Variants in SLC66A2 observed in about 807,000 individuals in gnomAD.
SLC66A2 encodes solute carrier family 66 member 2.
A neutral mutation model predicts 25.5 loss-of-function variants in SLC66A2; 23 were observed. That is an observed-to-expected ratio of 0.90 (90% CI 0.65 to 1.28). The LOEUF (loss-of-function observed/expected upper bound fraction) is 1.28. Among genes scored for constraint, SLC66A2 ranks in the 50% most tolerant of loss-of-function variants. SLC66A2 has a pLI of 0.00. For synonymous variants in SLC66A2, 193 were observed against 166.5 expected (o/e 1.16, Z -1.23); for missense variants, 396 against 373.1 (o/e 1.06, Z -0.51).
intron 2 of SLC66A2, among the ~76,000 whole-genome samples, chr18:79,948,464 G>C (rs12606764): frequency 0.93 from 141,523 of 152,228 alleles, 66,669 homozygotes; most frequent in East Asian, 1. Flanking sequence ...TCACAGCCTC[G>C]CAAGTAGCTA....
chr18:79,919,177 G>C lies in SLC66A2; in HGVS notation c.608+7C>G. ...GTGGTGCTTCCGTGGCGGCATCCCC[G>C]GCCTACCTCATGCCCTCCGTGGACT... On this transcript the variant is annotated splice_region_variant and intron_variant, in intron 5 of 5. Transcript: ENST00000397778. 1 of 1,611,768 alleles carries C rather than the reference G, an allele frequency of 6.2e-7. No homozygotes were observed. The highest frequency in any genetic ancestry group is 1.1e-5 in the South Asian group (1 of 91,056).
chr18:79,947,749 G>C (rs935382098), intron 2 of SLC66A2, among the ~76,000 whole-genome samples: 1 of 151,650 alleles, frequency 6.6e-6, no homozygotes, highest in Non-Finnish European at 1.5e-5. Context: ...TTCTGCTAAA[G>C]CACAAATCCT....
intron 4 of SLC66A2, among the ~76,000 whole-genome samples, chr18:79,923,103 C>T (rs1414304020): frequency 4.0e-5 from 6 of 151,512 alleles, no homozygotes; most frequent in South Asian, 2.1e-4. Context: ...GGGCATGGTA[C>T]GCGGCACCTC....
At chr18:79,925,756 A>G (rs2144827302) in intron 4 of SLC66A2, among the ~76,000 whole-genome samples, 1 of 152,334 alleles carries the variant, frequency 6.6e-6, no homozygotes, top group East Asian at 1.9e-4. Context: ...TCGTGTTTTC[A>G]TGTCTACAGG....
At chr18:79,938,462 G>A (rs1987331925) in intron 3 of SLC66A2, among the ~76,000 whole-genome samples, 1 of 152,184 alleles carries the variant, frequency 6.6e-6, no homozygotes, top group South Asian at 2.1e-4. Flanking sequence ...TCTCCCTCCA[G>A]TGAGGGGCTC....
intron 1 of SLC66A2, 44 bp from the exon 2 acceptor site, chr18:79,951,069 G>T: frequency 1.9e-6 from 1 of 535,042 alleles, no homozygotes; most frequent in Non-Finnish European, 2.8e-6. Context: ...CAGGGAGGCT[G>T]GGGCGGCGCG....
intron 4 of SLC66A2, among the ~76,000 whole-genome samples, chr18:79,932,873 T>C (rs1599610995): frequency 6.6e-6 from 1 of 152,116 alleles, no homozygotes; most frequent in South Asian, 2.1e-4. Flanking sequence ...TCTAAAAATA[T>C]TTAAAGAGAA....
At chr18:79,924,297 T>C (rs995100104) in intron 4 of SLC66A2, among the ~76,000 whole-genome samples, 7 of 152,128 alleles carry the variant, frequency 4.6e-5, no homozygotes, top group African/African-American at 1.7e-4. Flanking sequence ...CGGATGGACC[T>C]TGAAACAGGA....
chr18:79,943,158 G>T (rs114790715), intron 3 of SLC66A2, among the ~76,000 whole-genome samples, 171 bp downstream of exon 3: 2 of 152,202 alleles, frequency 1.3e-5, no homozygotes, highest in Non-Finnish European at 1.5e-5. Flanking sequence ...GTCATAAACC[G>T]TTTAACTGAA....
Position 79,904,644 on chromosome 18 carries a change from C to T in SLC66A2, c.609-461G>A, listed in dbSNP as rs1384186241. The stretch of plus-strand genomic sequence containing the variant: ...GGGTGCTGAGGACGCAGATCTGTGC[C>T]CCCAGGCACACAGCCAAGTGGAGCA... On this transcript the variant is annotated intron_variant, in intron 5 of 5. Coordinates refer to ENST00000397778, the MANE Select transcript of SLC66A2 (RefSeq NM_025078.5). The surrounding 1 kb of genome is among the most constrained non-coding windows in gnomAD (Gnocchi z 6.3). Among the ~76,000 whole-genome samples, 2 of 152,244 alleles carry T rather than the reference C, an allele frequency of 1.3e-5. No homozygotes were observed. The highest frequency in any genetic ancestry group is 2.9e-5 in the Non-Finnish European group (2 of 67,994).
In SLC66A2 at chr18:79,903,730, T is replaced by C. The variant is rs2123161090; in HGVS notation, c.*246A>G. ...GGGAAAACACTTGCTTTTTATGTCA[T>C]CCTAAAAACATCCAAAACCCTCGGG... On this transcript the variant is annotated 3_prime_UTR_variant, in exon 6 of 6. Transcript: ENST00000397778. 1 of 517,304 alleles carries C rather than the reference T, an allele frequency of 1.9e-6. No homozygotes were observed. 32.0% of individuals were successfully genotyped at this position (517,304 alleles called of 1,614,324 possible). A position where few individuals can be genotyped will look rare whatever the true frequency, so the allele number is the denominator to read the frequency against.
At chr18:79,931,575 G>A (rs572988874) in intron 4 of SLC66A2, among the ~76,000 whole-genome samples, 2 of 152,300 alleles carry the variant, frequency 1.3e-5, no homozygotes, top group African/African-American at 2.4e-5. Flanking sequence ...AGTAATGGAC[G>A]TAACAACTAC....
rs1158734501 is a variant in SLC66A2, at chr18:79,903,988, G to A, written c.804C>T (p.Thr268=). ...PAPHAVHPTG[T]KAL ...GTCCTCCCCACTGTCAGAGGGCCTT[G>A]GTGCCAGTGGGGTGCACGGCGTGGG... Residue 268 remains threonine (T), a synonymous_variant, in exon 6 of 6, where the codon ACC becomes ACT. Transcript: ENST00000397778. 6.2e-7 allele frequency: 1 copy of A among 1,601,242 alleles called. No homozygotes were observed. Among genetic ancestry groups the A allele is most frequent in the East Asian group, 2.2e-5 (1 of 44,486 alleles).
intron 2 of SLC66A2, among the ~76,000 whole-genome samples, chr18:79,947,612 C>A (rs1282175452): frequency 6.6e-6 from 1 of 151,008 alleles, no homozygotes; most frequent in Non-Finnish European, 1.5e-5. Flanking sequence ...CCACCCCAGC[C>A]CCTTCTCACC....
intron 3 of SLC66A2, among the ~76,000 whole-genome samples, chr18:79,936,520 C>T (rs2144899862): frequency 6.6e-6 from 1 of 152,308 alleles, no homozygotes; most frequent in East Asian, 1.9e-4. Context: ...CCTTGACTAA[C>T]CAGCAGCCAC....
At chr18:79,945,821 C>G (rs2050906412) in intron 2 of SLC66A2, among the ~76,000 whole-genome samples, 1 of 152,238 alleles carries the variant, frequency 6.6e-6, no homozygotes, top group Non-Finnish European at 1.5e-5. Context: ...TACAGCCAAG[C>G]TCACAGTCAC....
At chr18:79,943,976 A>T (rs1568337646) in intron 2 of SLC66A2, 2 of 171,592 alleles carry the variant, frequency 1.2e-5, no homozygotes, top group Non-Finnish European at 2.5e-5. Context: ...GAAGGAGCCC[A>T]GGAGTTGGCA....
At chr18:79,915,986 G>GGCGCTCCCA (rs1199343489) in intron 5 of SLC66A2, 1 of 174,524 alleles carries the variant, frequency 5.7e-6, no homozygotes, top group Admixed American at 6.7e-5. Flanking sequence ...CAGTGCTTCT[G>GGCGCTCCCA]TACCCGCGGT....
chr18:79,943,691 C>A, intron 2 of SLC66A2: 1 of 497,232 alleles, frequency 2.0e-6, no homozygotes, highest in Non-Finnish European at 3.6e-6. Context: ...CCACCCATGC[C>A]GCCTCTCCTG....
Sources: gnomAD v4.1 joint callset for allele counts (sites outside exome capture counted in the v4.1 genomes callset) on GRCh38, gnomAD v4.1.1 for gene constraint, Gnocchi (gnomAD v3.1) non-coding constraint, MANE v1.5 for transcripts, NCBI Gene and HGNC (gene_info 2026-07-23, HGNC 2026-07-21) for gene names.